The following TANGO6 variants were observed in gnomAD, a reference collection of about 807,000 sequenced individuals.
The protein encoded by TANGO6 is transport and golgi organization 6 homolog, also known as transport and Golgi organization protein 6 homolog.
TANGO6 carries 90 observed loss-of-function variants against 114.2 expected under a neutral mutation model. That is an observed-to-expected ratio of 0.79 (90% CI 0.66 to 0.94). TANGO6 has a LOEUF of 0.94. Among genes scored for constraint, TANGO6 ranks in the 40% least tolerant of loss-of-function variants. TANGO6 has a pLI of 0.00. For synonymous variants in TANGO6, 477 were observed against 509.8 expected (o/e 0.94, Z 0.87); for missense variants, 1,274 against 1,315.3 (o/e 0.97, Z 0.49).
At chr16:68,904,870 G>C (rs1156528381) in intron 9 of TANGO6, among the ~76,000 whole-genome samples, 2 of 152,160 alleles carry the variant, frequency 1.3e-5, no homozygotes, top group African/African-American at 4.8e-5. Flanking sequence ...AGGCCAAGGT[G>C]TGAGGATTGC....
intron 15 of TANGO6, among the ~76,000 whole-genome samples, chr16:68,980,405 CTCTCTATATA>C (rs1483441614): frequency 1.5e-5 from 1 of 67,428 alleles, no homozygotes; most frequent in African/African-American, 6.4e-5. Context: ...CTCTCTCTCT[CTCTCTATATA>C]TATATATATA....
chr16:69,025,561 G>A (rs547442660), intron 16 of TANGO6, among the ~76,000 whole-genome samples: 1 of 152,328 alleles, frequency 6.6e-6, no homozygotes, highest in African/African-American at 2.4e-5. Flanking sequence ...ATAGGTGAAG[G>A]GTGGGGACCA....
intron 12 of TANGO6, among the ~76,000 whole-genome samples, chr16:68,922,299 A>G (rs1167252676): frequency 6.6e-6 from 1 of 151,856 alleles, no homozygotes; most frequent in Non-Finnish European, 1.5e-5. Flanking sequence ...GGACTTCGGG[A>G]GGCCAAGTCG....
intron 15 of TANGO6, among the ~76,000 whole-genome samples, chr16:69,000,662 G>A (rs1964033021): frequency 6.6e-6 from 1 of 151,814 alleles, no homozygotes; most frequent in Non-Finnish European, 1.5e-5. Context: ...CATAATCTCA[G>A]CTCACTGCAA....
intron 15 of TANGO6, among the ~76,000 whole-genome samples, chr16:68,999,745 C>A (rs2152220697): frequency 6.6e-6 from 1 of 152,248 alleles, no homozygotes; most frequent in Admixed American, 6.5e-5. Flanking sequence ...AAAAACAAAA[C>A]AGAAAGGATC....
At position 68,860,201 on chromosome 16, in the gene TANGO6, A is replaced by G; in HGVS notation, c.412A>G (p.Ser138Gly). ...TCCTGCCCTGAGCCCCGATGCACTT[A>G]GTATCTCACAACAGAAGACTGTCCA... is the stretch of plus-strand genomic sequence containing the variant. ...VAPALSPDAL[S>G]ISQQKTVQFV... The change falls in exon 2 of 18, where the codon AGT becomes GGT. Residue 138 changes from serine (S) to glycine (G), a missense_variant. Ser to Gly is a moderately conservative substitution (Grantham distance 56, BLOSUM62 0). Around this residue, in one of 5 missense-constraint regions of TANGO6, gnomAD observed 908 missense variants for 910.2 expected, o/e 1.00. Transcript: ENST00000261778. 1 of 1,614,036 alleles carries G rather than the reference A, an allele frequency of 6.2e-7. No homozygotes were observed. The highest frequency in any genetic ancestry group is 8.5e-7 in the Non-Finnish European group (1 of 1,179,900).
At chr16:69,053,555 C>G (rs1292541927) in intron 17 of TANGO6, among the ~76,000 whole-genome samples, 2 of 152,160 alleles carry the variant, frequency 1.3e-5, no homozygotes, top group Admixed American at 6.6e-5. Context: ...CTCCTATAAG[C>G]CTTCATCCAC....
chr16:69,032,260 CATTT>C (rs1174610886), intron 16 of TANGO6, among the ~76,000 whole-genome samples: 4 of 151,908 alleles, frequency 2.6e-5, no homozygotes, highest in Admixed American at 1.3e-4. Context: ...TTCATTCATT[CATTT>C]ATTCATTCAT....
intron 1 of TANGO6, among the ~76,000 whole-genome samples, chr16:68,851,103 C>G (rs1211726349): frequency 6.6e-6 from 1 of 151,952 alleles, no homozygotes; most frequent in African/African-American, 2.4e-5. Context: ...TATTCATTCC[C>G]ATTTTTACAC....
chr16:69,018,103 A>G (rs937068970), intron 15 of TANGO6, among the ~76,000 whole-genome samples: 1 of 144,244 alleles, frequency 6.9e-6, no homozygotes, highest in Non-Finnish European at 1.5e-5. Flanking sequence ...AGGTTTCACC[A>G]TGGTGAGCCA....
chr16:68,944,771 T>C (rs1963395941), intron 14 of TANGO6, among the ~76,000 whole-genome samples: 1 of 152,134 alleles, frequency 6.6e-6, no homozygotes, highest in Admixed American at 6.6e-5. Flanking sequence ...TCAAATAAAA[T>C]ATAAGGACAA....
chr16:69,003,926 GT>G (rs201499376), intron 15 of TANGO6, among the ~76,000 whole-genome samples: 8 of 148,750 alleles, frequency 5.4e-5, no homozygotes, highest in East Asian at 2.0e-4. Flanking sequence ...CCTACTTACT[GT>G]TTTTTTTCTT....
intron 15 of TANGO6, among the ~76,000 whole-genome samples, chr16:68,980,130 G>A (rs1963810436): frequency 6.6e-6 from 1 of 151,890 alleles, no homozygotes; most frequent in East Asian, 1.9e-4. Flanking sequence ...ACAGGCGTGA[G>A]CCACCACGCC....
At chr16:68,865,753 C>CA (rs367608096) in intron 3 of TANGO6, among the ~76,000 whole-genome samples, 4,524 of 114,994 alleles carry the variant, frequency 0.039, 220 homozygotes, top group African/African-American at 0.11. Flanking sequence ...ACTAAAAATA[C>CA]AAAAAAAAAA....
intron 16 of TANGO6, among the ~76,000 whole-genome samples, chr16:69,030,833 C>T (rs1253328911): frequency 3.3e-5 from 5 of 151,598 alleles, no homozygotes; most frequent in Non-Finnish European, 2.9e-5. Context: ...GGGCAGATCA[C>T]GAGGTCAAGA....
intron 7 of TANGO6, among the ~76,000 whole-genome samples, chr16:68,887,214 A>G (rs1962551424): frequency 6.6e-6 from 1 of 152,038 alleles, no homozygotes; most frequent in South Asian, 2.1e-4. Context: ...GTGTGGGTCT[A>G]TTTTATCTTG....
At position 69,083,483 on chromosome 16, in the gene TANGO6, A is replaced by G; in HGVS notation, c.3109-2A>G. The G allele has an allele frequency of 6.2e-7, 1 of 1,607,084 alleles. No homozygotes were observed. The highest frequency in any genetic ancestry group is 8.5e-7 in the Non-Finnish European group (1 of 1,176,364). On this transcript the variant is annotated splice_acceptor_variant, in intron 17 of 17. Transcript: ENST00000261778. LOFTEE classifies it high-confidence loss of function. ...GCGGTCATGGCTGTCTCTCTCATGC[A>G]GGTGCTGAGCGCCGTCCTCAAGGAT...
At chr16:69,059,139 A>G (rs905151832) in intron 17 of TANGO6, among the ~76,000 whole-genome samples, 2 of 149,758 alleles carry the variant, frequency 1.3e-5, no homozygotes, top group African/African-American at 2.5e-5. Context: ...CATTGGCGCT[A>G]TCATGGCTCA....
chr16:69,083,967 A>G lies in TANGO6; in HGVS notation c.*306A>G, dbSNP rs964119636. The G allele has an allele frequency of 1.4e-5, 3 of 209,270 alleles. No individual in the cohort carries two copies. In the South Asian group the frequency reaches 3.7e-4, roughly 26 times the overall value. 13.0% of individuals were successfully genotyped at this position (209,270 alleles called of 1,614,324 possible). ...CTACCTGGTGAAAGTATATTTTAACATGACTGATGGAATTTCACTAATTGC... is the reference window on the plus strand; with the variant it reads ...CTACCTGGTGAAAGTATATTTTAACGTGACTGATGGAATTTCACTAATTGC... On this transcript the variant is annotated 3_prime_UTR_variant, in exon 18 of 18. Transcript: ENST00000261778.
Sources: gnomAD v4.1 joint callset for allele counts (sites outside exome capture counted in the v4.1 genomes callset) on GRCh38, gnomAD v4.1.1 for gene constraint, gnomAD v4.1.1 regional missense constraint, MANE v1.5 for transcripts, NCBI Gene and HGNC (gene_info 2026-07-23, HGNC 2026-07-21) for gene names.